Variants in LRRK2 observed in about 807,000 individuals in gnomAD.
LRRK2 encodes leucine-rich repeat serine/threonine-protein kinase 2.
A neutral mutation model predicts 302.6 loss-of-function variants in LRRK2; 203 were observed. The ratio of observed to expected loss-of-function variants is 0.67; its 90% confidence interval spans 0.60 to 0.75. The LOEUF (loss-of-function observed/expected upper bound fraction) is 0.75. LRRK2 is among the 30% of genes least tolerant of loss of function. The probability of loss-of-function intolerance (pLI) is 0.00; values close to 1 mark genes in which losing one functional copy is unlikely to be tolerated. For missense variants in LRRK2, 2,830 were observed against 2,951.0 expected, an observed-to-expected ratio of 0.96 and a Z score of 0.95; for synonymous variants, 1,066 against 1,031.9, an observed-to-expected ratio of 1.03 and a Z score of -0.63.
At position 40,328,466 on chromosome 12, in the gene LRRK2, A is replaced by C. The variant is rs1565755631; in HGVS notation, c.5757+6A>C. ...CACTCAGGCTGTTAAGACAAGTAAG[A>C]AATTCAATAATATAATTATATTAAA... On this transcript the variant is annotated splice_donor_region_variant and intron_variant, in intron 39 of 50. Transcript: ENST00000298910. 6.4e-7 allele frequency: 1 copy of C among 1,555,732 alleles called. No individual in the cohort carries two copies. The highest frequency in any genetic ancestry group is 8.9e-7 in the Non-Finnish European group (1 of 1,129,360).
intron 2 of LRRK2, among the ~76,000 whole-genome samples, chr12:40,229,607 C>T (rs913989002): frequency 1.3e-5 from 2 of 152,134 alleles, no homozygotes; most frequent in South Asian, 4.1e-4. Flanking sequence ...TTTTCTTTAA[C>T]CCCTAGACTC....
rs75054132 is a variant in LRRK2 at position 40,225,628 on chromosome 12, G to A, written c.225G>A (p.Ala75=). ...TCTTGGACTCCTATATGAGAGTCGC[G>A]AGTGTGCAGCAGGTAAAGGCATTGT... ...LIVLDSYMRV[A]SVQQVGWSLL... is the part of the protein sequence containing the mutation. Residue 75 remains alanine (A), a synonymous_variant, in exon 2 of 51, where the codon GCG becomes GCA. Transcript: ENST00000298910. 456 of 1,613,576 alleles carry A rather than the reference G, an allele frequency of 2.8e-4. 1 individual carries two copies. The African/African-American group carries it at 5.6e-3, about 20-fold the overall frequency.
chr12:40,235,528 T>A, intron 3 of LRRK2, 98 bp from the exon 4 acceptor site: 1 of 760,060 alleles, frequency 1.3e-6, no homozygotes, highest in Non-Finnish European at 2.3e-6. Flanking sequence ...TTAAATACAA[T>A]GAGAGTAATA....
intron 47 of LRRK2, among the ~76,000 whole-genome samples, chr12:40,360,457 A>G (rs900898022): frequency 5.3e-5 from 8 of 151,828 alleles, no homozygotes; most frequent in African/African-American, 1.9e-4. Flanking sequence ...GAATCTTTGT[A>G]CTTCTCACTG....
chr12:40,290,782 T>C (rs1944115928), intron 20 of LRRK2, among the ~76,000 whole-genome samples: 1 of 152,074 alleles, frequency 6.6e-6, no homozygotes, highest in Non-Finnish European at 1.5e-5. Context: ...CTCTATTGTT[T>C]GTGTTACTTT....
At chr12:40,230,717 A>G (rs1005599503) in intron 2 of LRRK2, among the ~76,000 whole-genome samples, 21 of 148,498 alleles carry the variant, frequency 1.4e-4, no homozygotes, top group African/African-American at 4.2e-4. Context: ...ATAGTATAAT[A>G]GAATGAATTG....
intron 18 of LRRK2, among the ~76,000 whole-genome samples, chr12:40,278,727 T>C (rs1943563158): frequency 6.6e-6 from 1 of 152,190 alleles, no homozygotes; most frequent in Non-Finnish European, 1.5e-5. Context: ...GAGTTGCTGT[T>C]GGCCAAAGTT....
chr12:40,229,211 C>G (rs936674846), intron 2 of LRRK2, among the ~76,000 whole-genome samples: 1 of 151,990 alleles, frequency 6.6e-6, no homozygotes, highest in Non-Finnish European at 1.5e-5. Context: ...CTGTAAGTAT[C>G]CTTTACTGCT....
chr12:40,231,528 C>T (rs1261930384), intron 2 of LRRK2, among the ~76,000 whole-genome samples: 3 of 141,196 alleles, frequency 2.1e-5, no homozygotes, highest in East Asian at 2.0e-4. Flanking sequence ...CATTGCACTC[C>T]AGCCTGGGTG....
chr12:40,322,661 T>C (rs1213630520), intron 37 of LRRK2, 151 bp downstream of exon 37: 2 of 698,676 alleles, frequency 2.9e-6, no homozygotes, highest in Non-Finnish European at 4.7e-6. Context: ...CTGAATTATA[T>C]TTATTACCAA....
At chr12:40,305,291 A>T (rs1944779395) in intron 27 of LRRK2, among the ~76,000 whole-genome samples, 4 of 152,132 alleles carry the variant, frequency 2.6e-5, no homozygotes. Flanking sequence ...TAAATATAGT[A>T]TATATTGCTT....
intron 21 of LRRK2, 140 bp downstream of exon 21, chr12:40,293,803 T>C: frequency 1.6e-6 from 1 of 608,282 alleles, no homozygotes; most frequent in Non-Finnish European, 3.0e-6. Flanking sequence ...GATTTTTATA[T>C]ATGTAATAGA....
intron 45 of LRRK2, 59 bp from the exon 46 acceptor site, chr12:40,356,056 G>T: frequency 1.8e-6 from 2 of 1,118,370 alleles, no homozygotes; most frequent in Non-Finnish European, 2.7e-6. Context: ...AGAACATTAA[G>T]GCCATTTTAG....
intron 7 of LRRK2, among the ~76,000 whole-genome samples, chr12:40,246,764 C>T (rs751138395): frequency 3.7e-4 from 57 of 152,112 alleles, no homozygotes; most frequent in Admixed American, 2.6e-3. Context: ...TGAGACCTTA[C>T]CTTGCAGAGA....
chr12:40,360,413 C>T (rs1048293320), intron 47 of LRRK2, among the ~76,000 whole-genome samples: 2 of 151,860 alleles, frequency 1.3e-5, no homozygotes, highest in African/African-American at 4.8e-5. Flanking sequence ...GTTTTTTGCT[C>T]CCTTTATCCA....
chr12:40,234,369 CTTTTTTTTTTT>C (rs35906443), intron 3 of LRRK2, among the ~76,000 whole-genome samples: 23 of 43,076 alleles, frequency 5.3e-4, no homozygotes, highest in East Asian at 2.5e-3. Flanking sequence ...GCTAAATTCA[CTTTTTTTTTTT>C]TTTTTTTTTT....
At chr12:40,292,781 C>T (rs1025262013) in intron 20 of LRRK2, among the ~76,000 whole-genome samples, 2 of 151,762 alleles carry the variant, frequency 1.3e-5, no homozygotes, top group African/African-American at 4.8e-5. Flanking sequence ...ATTAATTTTT[C>T]ACAAATGCAT....
rs1369598481 is a variant in LRRK2, at chr12:40,282,007, CCGCTTCCCTTCCCTT to C, written c.2242-1866_2242-1852del. ...CATTTGTGAGTTTTTCCCTCCCTCC[CCGCTTCCCTTCCCTT>C]CCCTTCCCTTCCCTTCCCTTCCCTT... On this transcript the variant is annotated intron_variant, in intron 18 of 50. Transcript: ENST00000298910. 6.9e-4 allele frequency among the ~76,000 whole-genome samples: 98 copies of C among 142,776 alleles called. 3 individuals are homozygous for C. The highest frequency in any genetic ancestry group is 2.2e-3 in the African/African-American group (83 of 37,192). 93.7% of individuals were successfully genotyped at this position (142,776 alleles called of 152,430 possible). A position where few individuals can be genotyped will look rare whatever the true frequency, so the allele number is the denominator to read the frequency against.
Position 40,253,026 on chromosome 12 carries a change from G to A in LRRK2, c.1288+10G>A. 6.4e-7 allele frequency: 1 copy of A among 1,562,220 alleles called. No individual in the cohort carries two copies. The highest frequency in any genetic ancestry group is 8.8e-7 in the Non-Finnish European group (1 of 1,133,306). ...CTCTTAGAACAAAATGGTAAGCAGT[G>A]GGCCATGTTTTCAAATAAAGGGAAA... On this transcript the variant is annotated intron_variant, in intron 11 of 50. Coordinates refer to ENST00000298910, the MANE Select transcript of LRRK2 (RefSeq NM_198578.4).
Sources: gnomAD v4.1 joint callset for allele counts (sites outside exome capture counted in the v4.1 genomes callset) on GRCh38, gnomAD v4.1.1 for gene constraint, MANE v1.5 for transcripts, NCBI Gene and HGNC (gene_info 2026-07-23, HGNC 2026-07-21) for gene names.